NRXN3: variants seen among roughly 807,000 people sequenced by gnomAD.
The protein encoded by NRXN3 is neurexin 3.
In NRXN3, 32 loss-of-function variants were observed where a neutral mutation model predicts 137.6. The ratio of observed to expected loss-of-function variants is 0.23; its 90% CI spans 0.18 to 0.31. The LOEUF is 0.31. Among genes scored for constraint, NRXN3 ranks in the 10% least tolerant of loss-of-function variants. The pLI, the probability that NRXN3 is intolerant of heterozygous loss-of-function variation, is 1.00. For synonymous variants in NRXN3, 798 were observed against 784.5 expected (o/e 1.02, Z -0.29); for missense variants, 1,574 against 2,062.5 (o/e 0.76, Z 4.59).
At chr14:79,439,076 T>G (rs966380307) in intron 15 of NRXN3, among the ~76,000 whole-genome samples, 1 of 152,254 alleles carries the variant, frequency 6.6e-6, no homozygotes. Context: ...TTCTGGCTCC[T>G]TTTGTGAAAC....
chr14:78,621,988 A>G (rs2097409593), intron 4 of NRXN3, among the ~76,000 whole-genome samples: 1 of 152,204 alleles, frequency 6.6e-6, no homozygotes, highest in African/African-American at 2.4e-5. Context: ...AAAGATTTAC[A>G]TAGAGGGTAT....
rs61976066 is a variant in NRXN3, at chr14:78,529,480, A to C, written c.758-115640A>C. Among the ~76,000 whole-genome samples the C allele has an allele frequency of 5.3e-5, 8 of 152,260 alleles. No homozygotes were observed. In the East Asian group the frequency reaches 1.5e-3, roughly 29 times the overall value. ...TTTTCTTTCTTTCTGGGTCTCGGAC[A>C]CCCTTTTGATTTCAGGTCAAAATCA... is the stretch of plus-strand genomic sequence containing the variant. On this transcript the variant is annotated intron_variant, in intron 4 of 20. Transcript: ENST00000335750.
chr14:78,335,186 G>T, intron 4 of NRXN3, among the ~76,000 whole-genome samples: 1 of 152,194 alleles, frequency 6.6e-6, no homozygotes, highest in East Asian at 1.9e-4. Flanking sequence ...GTCTGCACTT[G>T]AGATGATAAA....
chr14:79,209,298 T>C (rs1207756395), intron 15 of NRXN3, among the ~76,000 whole-genome samples: 2 of 151,304 alleles, frequency 1.3e-5, no homozygotes, highest in African/African-American at 2.4e-5. Context: ...TAAGGTGTTG[T>C]CTAGCAGTCT....
At chr14:79,397,243 T>A (rs571158835) in intron 15 of NRXN3, among the ~76,000 whole-genome samples, 1 of 152,328 alleles carries the variant, frequency 6.6e-6, no homozygotes, top group South Asian at 2.1e-4. Flanking sequence ...TCCCTGCATG[T>A]GAATGGACCA....
chr14:78,952,832 T>A (rs1446707119), intron 10 of NRXN3, among the ~76,000 whole-genome samples: 1 of 152,202 alleles, frequency 6.6e-6, no homozygotes, highest in Non-Finnish European at 1.5e-5. Context: ...CAAGTGATTA[T>A]GATACAGATC....
intron 15 of NRXN3, among the ~76,000 whole-genome samples, chr14:79,213,598 G>A (rs2068025819): frequency 6.7e-6 from 1 of 150,270 alleles, no homozygotes; most frequent in South Asian, 2.1e-4. Flanking sequence ...ATGGGCCCAA[G>A]TCCTGTCTCC....
At chr14:79,385,280 A>G (rs140040950) in intron 15 of NRXN3, among the ~76,000 whole-genome samples, 1,872 of 141,578 alleles carry the variant, frequency 0.013, 44 homozygotes, top group African/African-American at 0.047. Context: ...TCATTGTTCA[A>G]TTCCCACCTA....
intron 20 of NRXN3, among the ~76,000 whole-genome samples, chr14:79,857,840 A>C (rs529931121): frequency 6.6e-6 from 1 of 152,298 alleles, no homozygotes; most frequent in East Asian, 1.9e-4. Flanking sequence ...GGGGTTAGGA[A>C]AGCTTCTACC....
At chr14:79,470,949 AGAGTGT>A (rs1156318459) in intron 16 of NRXN3, among the ~76,000 whole-genome samples, 1,285 of 57,144 alleles carry the variant, frequency 0.022, 11 homozygotes, top group East Asian at 0.12. Context: ...AAAGAGAGAG[AGAGTGT>A]GTGTGTGTGT....
At chr14:79,371,849 T>G (rs2094120691) in intron 15 of NRXN3, among the ~76,000 whole-genome samples, 1 of 152,270 alleles carries the variant, frequency 6.6e-6, no homozygotes. Flanking sequence ...ATATGTTAAT[T>G]CCTCTAGAGA....
intron 16 of NRXN3, among the ~76,000 whole-genome samples, chr14:79,605,357 T>G (rs2097993467): frequency 6.6e-6 from 1 of 152,198 alleles, no homozygotes; most frequent in Non-Finnish European, 1.5e-5. Context: ...AATTATTTTT[T>G]TCTCAGATGA....
intron 15 of NRXN3, among the ~76,000 whole-genome samples, chr14:79,078,795 G>A (rs2046396003): frequency 6.6e-6 from 1 of 152,096 alleles, no homozygotes; most frequent in Non-Finnish European, 1.5e-5. Context: ...CTGCAGCACT[G>A]CTGCACGTTA....
At chr14:78,268,839 G>T (rs2072245816) in intron 2 of NRXN3, among the ~76,000 whole-genome samples, 1 of 152,112 alleles carries the variant, frequency 6.6e-6, no homozygotes, top group South Asian at 2.1e-4. Flanking sequence ...GTAAATGGCA[G>T]GGATTATAAT....
chr14:78,466,058 T>C (rs2095097766), intron 4 of NRXN3, among the ~76,000 whole-genome samples: 1 of 151,794 alleles, frequency 6.6e-6, no homozygotes, highest in Admixed American at 6.6e-5. Flanking sequence ...TTTCTCCGTG[T>C]TAGCCAGGTT....
At chr14:78,940,783 C>T (rs1301031847) in intron 10 of NRXN3, among the ~76,000 whole-genome samples, 6 of 152,132 alleles carry the variant, frequency 3.9e-5, no homozygotes, top group Non-Finnish European at 8.8e-5. Flanking sequence ...TTATAAATCA[C>T]TTAAATATGT....
intron 15 of NRXN3, among the ~76,000 whole-genome samples, chr14:79,321,892 C>T (rs548766462): frequency 8.7e-5 from 13 of 149,736 alleles, no homozygotes; most frequent in African/African-American, 3.2e-4. Context: ...TATATACACA[C>T]ACACACATAT....
chr14:79,470,892 G>C (rs1567213634), intron 16 of NRXN3, among the ~76,000 whole-genome samples: 1 of 143,522 alleles, frequency 7.0e-6, no homozygotes, highest in Admixed American at 6.7e-5. Flanking sequence ...GAGAGAAAGA[G>C]AGAGAGAGAG....
chr14:79,227,239 A>G (rs2071098538), intron 15 of NRXN3, among the ~76,000 whole-genome samples: 1 of 152,154 alleles, frequency 6.6e-6, no homozygotes, highest in Non-Finnish European at 1.5e-5. Flanking sequence ...TAGACACTGG[A>G]AACAGACCAC....
Sources: gnomAD v4.1 joint callset for allele counts (sites outside exome capture counted in the v4.1 genomes callset) on GRCh38, gnomAD v4.1.1 for gene constraint, MANE v1.5 for transcripts, NCBI Gene and HGNC (gene_info 2026-07-23, HGNC 2026-07-21) for gene names.